RBMS3: variants seen among roughly 807,000 people sequenced by gnomAD.
The protein encoded by RBMS3 is RNA binding motif single stranded interacting protein 3, also known as RNA-binding motif, single-stranded-interacting protein 3.
RBMS3 carries 27 observed loss-of-function variants against 66.8 expected under a neutral mutation model. The observed-to-expected ratio is 0.40, with a 90% CI of 0.30 to 0.56. RBMS3 has a LOEUF of 0.56. RBMS3 is among the 20% of genes least tolerant of loss of function. The pLI is 0.40. For synonymous variants in RBMS3, 188 were observed against 183.0 expected, an observed-to-expected ratio of 1.03 and a Z score of -0.22; for missense variants, 513 against 549.5, an observed-to-expected ratio of 0.93 and a Z score of 0.66.
intron 3 of RBMS3, among the ~76,000 whole-genome samples, chr3:29,567,592 C>A (rs566750504): frequency 2.4e-4 from 36 of 152,176 alleles, no homozygotes; most frequent in African/African-American, 8.4e-4. Context: ...AGGAAGGTGA[C>A]ATTTATGCCC....
chr3:29,869,466 T>G (rs1360690430), intron 7 of RBMS3, among the ~76,000 whole-genome samples: 2 of 151,932 alleles, frequency 1.3e-5, no homozygotes, highest in Non-Finnish European at 2.9e-5. Flanking sequence ...TTTATATATG[T>G]ATATACACAC....
chr3:29,413,821 G>GTTCCTGT (rs1345502769), intron 1 of RBMS3, among the ~76,000 whole-genome samples: 76 of 152,294 alleles, frequency 5.0e-4, no homozygotes, highest in African/African-American at 1.7e-3. Context: ...TAACTGAGTA[G>GTTCCTGT]ATCCTGTATG....
At chr3:29,928,508 A>G (rs1210953162) in intron 10 of RBMS3, among the ~76,000 whole-genome samples, 2 of 151,734 alleles carry the variant, frequency 1.3e-5, no homozygotes, top group Non-Finnish European at 2.9e-5. Context: ...GGAGTGTGCA[A>G]TACATCTGTA....
intron 4 of RBMS3, among the ~76,000 whole-genome samples, chr3:29,731,774 G>A (rs1328984508): frequency 1.3e-5 from 2 of 151,992 alleles, no homozygotes; most frequent in Admixed American, 1.3e-4. Flanking sequence ...ATTAGTCAGG[G>A]TTCTTCAGAG....
At chr3:29,433,365 T>C (rs1328547788) in intron 1 of RBMS3, among the ~76,000 whole-genome samples, 1 of 152,178 alleles carries the variant, frequency 6.6e-6, no homozygotes, top group African/African-American at 2.4e-5. Context: ...TCTTGATGAA[T>C]GTGCTTATTT....
At chr3:29,838,584 G>A (rs957261212) in intron 6 of RBMS3, among the ~76,000 whole-genome samples, 1 of 152,086 alleles carries the variant, frequency 6.6e-6, no homozygotes, top group African/African-American at 2.4e-5. Flanking sequence ...TTGTCACAGT[G>A]TTTTGATTTA....
intron 10 of RBMS3, among the ~76,000 whole-genome samples, chr3:29,921,384 A>T (rs1577150764): frequency 6.6e-6 from 1 of 151,606 alleles, no homozygotes; most frequent in African/African-American, 2.4e-5. Context: ...TTAACCCTTT[A>T]TAAAATACCC....
At chr3:29,615,918 A>G (rs1312355269) in intron 4 of RBMS3, 2 of 152,208 alleles carry the variant, frequency 1.3e-5, no homozygotes, top group Non-Finnish European at 2.9e-5. Flanking sequence ...AATTTTCAAA[A>G]TGAGGAATAG....
Position 29,770,534 on chromosome 3 carries a change from A to C in RBMS3, c.637+7545A>C, listed in dbSNP as rs906463881. 2.6e-5 allele frequency among the ~76,000 whole-genome samples: 4 copies of C among 151,932 alleles called. No homozygotes were observed. The South Asian group carries it at 8.3e-4, about 31-fold the overall frequency. On this transcript the variant is annotated intron_variant, in intron 6 of 14. Transcript: ENST00000383767. ...TAGTTGTAATTTCATGGGATAGAGA[A>C]AAGGGATGAGGAGGTTTTCTATACA... is the stretch of plus-strand genomic sequence containing the variant.
chr3:29,921,903 C>A (rs1217343947), intron 10 of RBMS3, among the ~76,000 whole-genome samples: 1 of 152,144 alleles, frequency 6.6e-6, no homozygotes, highest in African/African-American at 2.4e-5. Flanking sequence ...GAGCCTCCTG[C>A]TGAAGCAAAA....
chr3:29,820,786 A>T (rs2058058850), intron 6 of RBMS3, among the ~76,000 whole-genome samples: 1 of 152,186 alleles, frequency 6.6e-6, no homozygotes, highest in Non-Finnish European at 1.5e-5. Flanking sequence ...CACAATAAAA[A>T]GTAATTCTCC....
chr3:29,976,567 G>C (rs1247000960), intron 12 of RBMS3, among the ~76,000 whole-genome samples: 1 of 151,938 alleles, frequency 6.6e-6, no homozygotes, highest in Non-Finnish European at 1.5e-5. Context: ...GAACAGTAGG[G>C]GTCCAGGTAG....
intron 4 of RBMS3, among the ~76,000 whole-genome samples, chr3:29,733,190 C>A (rs1316529758): frequency 6.6e-6 from 1 of 151,698 alleles, no homozygotes; most frequent in East Asian, 1.9e-4. Context: ...TGTTTCATAC[C>A]TCTTCAGGGT....
At chr3:29,580,611 G>A (rs923237859) in intron 3 of RBMS3, among the ~76,000 whole-genome samples, 2 of 151,366 alleles carry the variant, frequency 1.3e-5, no homozygotes, top group East Asian at 3.9e-4. Context: ...AGCCATGTTA[G>A]AGTTTTTTTT....
chr3:29,328,756 A>G (rs1488857465), intron 1 of RBMS3, among the ~76,000 whole-genome samples: 1 of 152,170 alleles, frequency 6.6e-6, no homozygotes, highest in Non-Finnish European at 1.5e-5. Flanking sequence ...AGCACTGCTT[A>G]CTTGGCAAAC....
At chr3:29,671,440 T>C (rs146359521) in intron 4 of RBMS3, among the ~76,000 whole-genome samples, 3,827 of 152,236 alleles carry the variant, frequency 0.025, 66 homozygotes, top group Non-Finnish European at 0.039. Flanking sequence ...CTTTGACAAG[T>C]TGACAAAAGT....
At chr3:29,580,165 C>A (rs747337667) in intron 3 of RBMS3, among the ~76,000 whole-genome samples, 1 of 152,124 alleles carries the variant, frequency 6.6e-6, no homozygotes, top group Non-Finnish European at 1.5e-5. Flanking sequence ...CATTGGGGAC[C>A]TATTCCTTTT....
intron 4 of RBMS3, among the ~76,000 whole-genome samples, chr3:29,725,633 C>A (rs2053832208): frequency 6.6e-6 from 1 of 152,278 alleles, no homozygotes. Context: ...TTCCTGGCCA[C>A]ATACATCATC....
At chr3:29,364,027 T>C (rs970280980) in intron 1 of RBMS3, among the ~76,000 whole-genome samples, 2 of 152,102 alleles carry the variant, frequency 1.3e-5, no homozygotes, top group African/African-American at 4.8e-5. Context: ...AATTCATGTT[T>C]CTTAGGGCCA....
Sources: gnomAD v4.1 joint callset for allele counts (sites outside exome capture counted in the v4.1 genomes callset) on GRCh38, gnomAD v4.1.1 for gene constraint, MANE v1.5 for transcripts, NCBI Gene and HGNC (gene_info 2026-07-23, HGNC 2026-07-21) for gene names.